Variants in FANCA observed in about 807,000 individuals in gnomAD.
FANCA encodes Fanconi anemia group A protein.
In FANCA, 236 loss-of-function variants were observed where a neutral mutation model predicts 194.3. The observed-to-expected ratio is 1.21, with a 90% CI of 1.09 to 1.35. FANCA has a LOEUF of 1.35. Ranked by LOEUF, FANCA falls within the 40% of genes most tolerant of loss-of-function variation. FANCA has a pLI of 0.00. For missense variants in FANCA, 2,628 were observed against 1,813.9 expected (o/e 1.45, Z -8.15); for synonymous variants, 1,014 against 715.8 (o/e 1.42, Z -6.65).
At chr16:89,748,596 G>C in intron 33 of FANCA, 63 bp downstream of exon 33, 4 of 1,271,194 alleles carry the variant, frequency 3.1e-6, no homozygotes, top group Admixed American at 1.7e-5. Flanking sequence ...GAGGCTGCAA[G>C]AGCTGCTGTT....
intron 14 of FANCA, among the ~76,000 whole-genome samples, chr16:89,786,872 T>C (rs1419591802): frequency 1.3e-5 from 2 of 152,174 alleles, no homozygotes; most frequent in Admixed American, 1.3e-4. Flanking sequence ...AGTTTCAACC[T>C]GAAATTCTCC....
At chr16:89,773,480 A>T (rs2039394733) in intron 21 of FANCA, 96 bp from the exon 22 acceptor site, 3 of 908,008 alleles carry the variant, frequency 3.3e-6, no homozygotes, top group Non-Finnish European at 5.3e-6. Context: ...AGAGCTGTGA[A>T]CTTCCAAGCT....
At chr16:89,777,266 C>T (rs1395295695) in intron 20 of FANCA, among the ~76,000 whole-genome samples, 1 of 151,940 alleles carries the variant, frequency 6.6e-6, no homozygotes, top group African/African-American at 2.4e-5. Context: ...CCTCTAGACC[C>T]AGCTACTTGG....
intron 26 of FANCA, 169 bp downstream of exon 26, chr16:89,769,668 T>G: frequency 1.3e-6 from 1 of 742,502 alleles, no homozygotes; most frequent in Non-Finnish European, 2.3e-6. Context: ...GCACGCATAT[T>G]ATAAACAAAT....
Position 89,739,728 on chromosome 16 carries a change from G to A in FANCA, c.3935-175C>T, listed in dbSNP as rs957457883. The A allele has an allele frequency of 3.3e-6, 5 of 1,494,102 alleles. No homozygotes were observed. The South Asian group carries it at 3.9e-5, about 12-fold the overall frequency. 92.6% of individuals were successfully genotyped at this position (1,494,102 alleles called of 1,614,324 possible). A position where few individuals can be genotyped will look rare whatever the true frequency, so the allele number is the denominator to read the frequency against. ...TACCTGTCAGCAGCTGGGAGAGGAT[G>A]GGGGGGTCGACCTCTTGCAGGAGGG... On this transcript the variant is annotated intron_variant, in intron 39 of 42. Coordinates refer to ENST00000389301, the MANE Select transcript of FANCA (RefSeq NM_000135.4).
At chr16:89,750,420 T>G (rs891821750) in intron 31 of FANCA, among the ~76,000 whole-genome samples, 4 of 146,106 alleles carry the variant, frequency 2.7e-5, no homozygotes, top group African/African-American at 7.7e-5. Context: ...GAGGTGGAGC[T>G]TGCAGTGAGC....
At chr16:89,741,294 G>A (rs1347079796) in intron 37 of FANCA, among the ~76,000 whole-genome samples, 2 of 152,192 alleles carry the variant, frequency 1.3e-5, no homozygotes, top group African/African-American at 2.4e-5. Flanking sequence ...CTGCACACTA[G>A]GGTCCTAAGG....
rs2151711547 is a variant in FANCA, at chr16:89,739,121, C to T, written c.4167+12G>A. On this transcript the variant is annotated intron_variant, in intron 41 of 42. Coordinates refer to ENST00000389301, the MANE Select transcript of FANCA (RefSeq NM_000135.4). Reference sequence around the variant, plus strand: ...GAGCTCCCCTGGAGGTGGGACTGGCCCTTGCACCTGCCTGACCCTTGAGCT... The same window carrying T: ...GAGCTCCCCTGGAGGTGGGACTGGCTCTTGCACCTGCCTGACCCTTGAGCT... The T allele has an allele frequency of 6.2e-7, 1 of 1,614,122 alleles. No homozygotes were observed. Among genetic ancestry groups the T allele is most frequent in the Non-Finnish European group, 8.5e-7 (1 of 1,180,014 alleles).
intron 28 of FANCA, 140 bp downstream of exon 28, chr16:89,764,750 C>T (rs886887548): frequency 4.8e-6 from 5 of 1,041,896 alleles, no homozygotes; most frequent in African/African-American, 4.7e-5. Context: ...ACAGTCGGCA[C>T]ACACACACCC....
chr16:89,816,375 GCAGCCGCGCCGCCC>G (rs2041126184), intron 1 of FANCA, 148 bp downstream of exon 1: 5 of 449,402 alleles, frequency 1.1e-5, no homozygotes, highest in Non-Finnish European at 1.4e-5. Flanking sequence ...CGGGTCCGAG[GCAGCCGCGCCGCCC>G]CAGCCGGGCG....
chr16:89,781,386 A>AC (rs71137674), intron 17 of FANCA, among the ~76,000 whole-genome samples: 10 of 139,464 alleles, frequency 7.2e-5, no homozygotes, highest in Non-Finnish European at 1.2e-4. Context: ...AAAAAAAAAA[A>AC]CAATACGCTG....
chr16:89,769,670 T>C, intron 26 of FANCA, 167 bp downstream of exon 26: 1 of 750,102 alleles, frequency 1.3e-6, no homozygotes, highest in Non-Finnish European at 2.3e-6. Context: ...ACGCATATTA[T>C]AAACAAATGA....
chr16:89,744,596 C>T (rs1216897191), intron 36 of FANCA: 3 of 356,732 alleles, frequency 8.4e-6, no homozygotes, highest in East Asian at 7.1e-5. Flanking sequence ...AGGAATCACT[C>T]GAGCTCCTCA....
At chr16:89,792,721 G>T in intron 11 of FANCA, 174 bp from the exon 12 acceptor site, 2 of 597,716 alleles carry the variant, frequency 3.3e-6, no homozygotes, top group South Asian at 3.3e-5. Context: ...GGGCCCGGGG[G>T]ACCACTACCA....
intron 15 of FANCA, among the ~76,000 whole-genome samples, chr16:89,784,633 G>A (rs546973332): frequency 6.6e-6 from 1 of 152,104 alleles, no homozygotes; most frequent in African/African-American, 2.4e-5. Context: ...GCCTTGACTG[G>A]CACACACGCA....
rs560076524 is a variant in FANCA at position 89,775,774 on chromosome 16, T to G, written c.1868A>C (p.Gln623Pro). 18 of 1,612,830 alleles carry G rather than the reference T, an allele frequency of 1.1e-5. No homozygotes were observed. The highest frequency in any genetic ancestry group is 1.5e-5 in the Non-Finnish European group (18 of 1,179,508). ...CTTCTCTTCAGCAGCAGAGCAGGCCTGGCAGTAGGTGGAGTACAGAGATGG... is the reference window on the plus strand; with the variant it reads ...CTTCTCTTCAGCAGCAGAGCAGGCCGGGCAGTAGGTGGAGTACAGAGATGG... ...IPPSLYSTYC[Q>P]ACSAAEEKPE... The change falls in exon 21 of 43, where the codon CAG (glutamine) becomes CCG (proline). Residue 623 changes from glutamine (Q) to proline (P), a missense_variant. By Grantham distance (76) the Gln-to-Pro change is moderately conservative (BLOSUM62 -1). Transcript: ENST00000389301.
At chr16:89,740,714 C>A in intron 38 of FANCA, 90 bp downstream of exon 38, 3 of 1,080,684 alleles carry the variant, frequency 2.8e-6, no homozygotes, top group South Asian at 1.3e-5. Flanking sequence ...CTGAGCTAGT[C>A]TGGAAACCCT....
chr16:89,758,849 G>C (rs1490425371), intron 29 of FANCA, 144 bp from the exon 30 acceptor site: 2 of 1,223,908 alleles, frequency 1.6e-6, no homozygotes, highest in African/African-American at 3.0e-5. Context: ...CTTGGAGTAG[G>C]GATGAGACCT....
chr16:89,775,488 C>G (rs890431771), intron 21 of FANCA, among the ~76,000 whole-genome samples: 4 of 152,224 alleles, frequency 2.6e-5, no homozygotes, highest in African/African-American at 9.6e-5. Flanking sequence ...TGACGAGTGA[C>G]AAAGTGGGGC....
Sources: allele counts gnomAD v4.1 joint callset (sites outside exome capture counted in the v4.1 genomes callset), GRCh38; gene constraint gnomAD v4.1.1; transcripts MANE v1.5; gene names NCBI Gene and HGNC (gene_info 2026-07-23, HGNC 2026-07-21).